CHRNA1: variants seen among roughly 807,000 people sequenced by gnomAD.
CHRNA1 encodes the protein acetylcholine receptor subunit alpha.
A neutral mutation model predicts 47.1 loss-of-function variants in CHRNA1; 35 were observed. The observed-to-expected ratio is 0.74, with a 90% CI of 0.57 to 0.99. The LOEUF is 0.99. Ranked by LOEUF, CHRNA1 falls within the 50% of genes least tolerant of loss-of-function variation. The pLI is 0.00. For synonymous variants in CHRNA1, 229 were observed against 223.6 expected (o/e 1.02, Z -0.22); for missense variants, 506 against 591.1 (o/e 0.86, Z 1.49).
chr2:174,751,440 T>C (rs974882668), intron 6 of CHRNA1, among the ~76,000 whole-genome samples: 2 of 152,060 alleles, frequency 1.3e-5, no homozygotes, highest in Non-Finnish European at 2.9e-5. Flanking sequence ...AGAATATATA[T>C]AGAATATGTA....
chr2:174,764,291 G>A (rs1313470023), intron 1 of CHRNA1, 61 bp downstream of exon 1: 6 of 1,551,110 alleles, frequency 3.9e-6, no homozygotes, highest in East Asian at 4.6e-5. Context: ...TTGATTTGGG[G>A]GCCTCCAGCA....
At chr2:174,759,776 A>C (rs1324830928) in intron 1 of CHRNA1, 143 bp from the exon 2 acceptor site, 1 of 1,092,572 alleles carries the variant, frequency 9.2e-7, no homozygotes, top group African/African-American at 1.6e-5. Flanking sequence ...AAAGGCTCCC[A>C]AATGCAGCAG....
At chr2:174,749,767 C>T (rs894709796) in intron 7 of CHRNA1, among the ~76,000 whole-genome samples, 179 bp downstream of exon 7, 1 of 152,222 alleles carries the variant, frequency 6.6e-6, no homozygotes, top group Admixed American at 6.5e-5. Flanking sequence ...GGGAAGGCTA[C>T]AGGAGTTATT....
rs758269081 is a variant in CHRNA1, at chr2:174,759,512, C to T, written c.165G>A (p.Leu55=). The T allele has an allele frequency of 1.9e-6, 3 of 1,614,154 alleles. No homozygotes were observed. Among genetic ancestry groups the T allele is most frequent in the Non-Finnish European group, 8.5e-7 (1 of 1,180,022 alleles). Reference sequence around the variant, plus strand: ...CCACATTGATGAGCTGTATCAGCTGCAGGCCCACGGTGACCTCCACGACCT... The same window carrying T: ...CCACATTGATGAGCTGTATCAGCTGTAGGCCCACGGTGACCTCCACGACCT... ...HRQVVEVTVG[L]QLIQLINVDE... is the part of the protein sequence containing the mutation. Residue 55 remains leucine (L), a synonymous_variant, in exon 2 of 9, where the codon CTG becomes CTA. Transcript: ENST00000348749.
chr2:174,761,577 A>T (rs1478789137), intron 1 of CHRNA1, among the ~76,000 whole-genome samples: 1 of 152,080 alleles, frequency 6.6e-6, no homozygotes, highest in Non-Finnish European at 1.5e-5. Flanking sequence ...ATCCTCCCAA[A>T]GTGCTGGGAT....
intron 6 of CHRNA1, chr2:174,753,050 G>GA: frequency 3.7e-6 from 1 of 267,108 alleles, no homozygotes; most frequent in Non-Finnish European, 7.3e-6. Context: ...CCACCATCTG[G>GA]AAAAAAAGAT....
rs1208011631 is a variant in CHRNA1, at chr2:174,750,104, C to G, written c.844G>C (p.Glu282Gln). The change falls in exon 7 of 9, where the codon GAG (glutamate) becomes CAG (glutamine). Residue 282 changes from glutamate to glutamine, a missense_variant. Physicochemically the swap from Glu to Gln is conservative, Grantham distance 29. Transcript: ENST00000348749. Reference protein sequence around the residue: ...SLTVFLLVIVELIPSTSSAVP... With the variant: ...SLTVFLLVIVQLIPSTSSAVP... ...GCACTGGACGTGGAGGGGATCAGCT[C>G]CACGATGACCAGAAGGAACACAGTC... is the stretch of plus-strand genomic sequence containing the variant. 1 of 1,613,866 alleles carries G rather than the reference C, an allele frequency of 6.2e-7. No homozygotes were observed.
In CHRNA1 at chr2:174,748,175, T is replaced by C; in HGVS notation, c.1323A>G (p.Gly441=). The change falls in exon 9 of 9, where the codon GGA becomes GGG. Residue 441 remains glycine, a synonymous_variant. Transcript: ENST00000348749. ...GTCGACCTGCAAACACGGCTAGGGTTCCGATGATGCAAACAAGCATGAAGA... is the reference window on the plus strand; with the variant it reads ...GTCGACCTGCAAACACGGCTAGGGTCCCGATGATGCAAACAAGCATGAAGA... ...LGVFMLVCII[G]TLAVFAGRLI... The C allele has an allele frequency of 6.2e-7, 1 of 1,614,098 alleles. No homozygotes were observed. Among genetic ancestry groups the C allele is most frequent in the Admixed American group, 1.7e-5 (1 of 60,016 alleles).
At chr2:174,754,882 C>CTTTTTT (rs34233623) in intron 4 of CHRNA1, among the ~76,000 whole-genome samples, 6 of 120,410 alleles carry the variant, frequency 5.0e-5, no homozygotes, top group African/African-American at 2.1e-4. Flanking sequence ...GCCTACTACT[C>CTTTTTT]TTTTTTTTTT....
chr2:174,757,755 A>G (rs1558914017), intron 3 of CHRNA1, 80 bp from the exon 4 acceptor site: 3 of 1,266,020 alleles, frequency 2.4e-6, no homozygotes, highest in Non-Finnish European at 2.3e-6. Context: ...CCTGATGTGC[A>G]TGGGAATTCA....
Position 174,754,245 on chromosome 2 carries a change from C to T in CHRNA1, c.514G>A (p.Asp172Asn), listed in dbSNP as rs1232135247. The T allele has an allele frequency of 1.1e-5, 18 of 1,613,726 alleles. No individual in the cohort carries two copies. Among genetic ancestry groups the T allele is most frequent in the Non-Finnish European group, 1.4e-5 (17 of 1,179,996 alleles). Residue 172 changes from aspartate to asparagine, a missense_variant, in exon 5 of 9, where the codon GAC becomes AAC. Coordinates refer to ENST00000348749, the MANE Select transcript of CHRNA1 (RefSeq NM_000079.4). ...CSMKLGTWTY[D>N]GSVVAINPES... is the part of the protein sequence containing the mutation. Reference sequence around the variant, plus strand: ...GGGTTGATGGCCACGACAGAGCCGTCGTAGGTCCAGGTGCCCAGCTTCATG... The same window carrying T: ...GGGTTGATGGCCACGACAGAGCCGTTGTAGGTCCAGGTGCCCAGCTTCATG...
chr2:174,754,850 C>T (rs1046449385), intron 4 of CHRNA1, among the ~76,000 whole-genome samples: 31 of 150,508 alleles, frequency 2.1e-4, no homozygotes, highest in Non-Finnish European at 4.6e-4. Flanking sequence ...CTCATTACTG[C>T]GACAAGCAGG....
chr2:174,760,507 T>C (rs980000762), intron 1 of CHRNA1, among the ~76,000 whole-genome samples: 2 of 152,020 alleles, frequency 1.3e-5, no homozygotes, highest in African/African-American at 4.8e-5. Context: ...AATAGGTAAA[T>C]CTATACAGAC....
intron 1 of CHRNA1, 74 bp from the exon 2 acceptor site, chr2:174,759,707 A>G: frequency 6.3e-7 from 1 of 1,587,918 alleles, no homozygotes; most frequent in Non-Finnish European, 8.6e-7. Flanking sequence ...TGAGGAACTG[A>G]GGAACTGAGG....
rs1683768837 is a variant in CHRNA1 at position 174,748,134 on chromosome 2, T to C, written c.1364A>G (p.Gln455Arg). The C allele has an allele frequency of 1.2e-6, 2 of 1,614,034 alleles. No homozygotes were observed. Among genetic ancestry groups the C allele is most frequent in the Non-Finnish European group, 8.5e-7 (1 of 1,180,030 alleles). ...VFAGRLIELN[Q>R]QG The stretch of plus-strand genomic sequence containing the variant: ...CAGCTCATTTTCTGCTCATCCTTGC[T>C]GATTTAATTCAATGAGTCGACCTGC... Residue 455 changes from glutamine (Q) to arginine (R), a missense_variant, in exon 9 of 9, where the codon CAG becomes CGG. Coordinates refer to ENST00000348749, the MANE Select transcript of CHRNA1 (RefSeq NM_000079.4).
At chr2:174,758,054 G>A (rs749242928) in intron 3 of CHRNA1, 5 of 1,613,776 alleles carry the variant, frequency 3.1e-6, no homozygotes, top group African/African-American at 2.7e-5. Context: ...AAGACCTAGT[G>A]TGAACGTTTT....
chr2:174,758,053 T>C (rs1684018528), intron 3 of CHRNA1: 1 of 1,613,794 alleles, frequency 6.2e-7, no homozygotes, highest in African/African-American at 1.3e-5. Flanking sequence ...AAAGACCTAG[T>C]GTGAACGTTT....
At chr2:174,759,187 A>G (rs764604531) in intron 3 of CHRNA1, 144 bp downstream of exon 3, 7 of 978,988 alleles carry the variant, frequency 7.2e-6, no homozygotes, top group Non-Finnish European at 1.1e-5. Flanking sequence ...AAAACCAAAC[A>G]GGATCCATGC....
In CHRNA1 at chr2:174,754,219, C is replaced by T. The variant is rs370479041; in HGVS notation, c.540G>A (p.Pro180=). The T allele has an allele frequency of 2.8e-5, 45 of 1,613,024 alleles. No homozygotes were observed. The highest frequency in any genetic ancestry group is 6.7e-5 in the African/African-American group (5 of 75,020). Residue 180 remains proline, a splice_region_variant and synonymous_variant, in exon 5 of 9, where the codon CCG becomes CCA. Transcript: ENST00000348749. ...CTTATCATATGTGGCCACCACCTAC[C>T]GGGTTGATGGCCACGACAGAGCCGT... ...TYDGSVVAIN[P]ESDQPDLSNF... is the part of the protein sequence containing the mutation.
Sources: gnomAD v4.1 joint callset for allele counts (sites outside exome capture counted in the v4.1 genomes callset) on GRCh38, gnomAD v4.1.1 for gene constraint, MANE v1.5 for transcripts, NCBI Gene and HGNC (gene_info 2026-07-23, HGNC 2026-07-21) for gene names.